The following NCOR2 variants were observed in gnomAD, a reference collection of about 807,000 sequenced individuals.
NCOR2 encodes the protein CTG repeat protein 26.
A neutral mutation model predicts 262.9 loss-of-function variants in NCOR2; 81 were observed. The observed-to-expected ratio is 0.31, with a 90% CI of 0.26 to 0.37. NCOR2 has a LOEUF of 0.37. Among genes scored for constraint, NCOR2 ranks in the 10% least tolerant of loss-of-function variants. The pLI is 1.00. For synonymous variants in NCOR2, 1,659 were observed against 1,559.3 expected (o/e 1.06, Z -1.51); for missense variants, 3,385 against 3,621.4 (o/e 0.93, Z 1.68).
At chr12:124,521,588 GC>G (rs1309817617) in intron 1 of NCOR2, among the ~76,000 whole-genome samples, 9 of 152,200 alleles carry the variant, frequency 5.9e-5, no homozygotes, top group Admixed American at 3.9e-4. Context: ...ATTGGTAGCT[GC>G]CAGGGGCTGC....
chr12:124,467,232 CCCT>C (rs1178281914), intron 4 of NCOR2, among the ~76,000 whole-genome samples: 1 of 107,364 alleles, frequency 9.3e-6, no homozygotes, highest in African/African-American at 3.7e-5. Context: ...CTCATCACCC[CCCT>C]CATCTTCATC....
intron 1 of NCOR2, among the ~76,000 whole-genome samples, chr12:124,546,005 A>G (rs141070659): frequency 6.9e-4 from 105 of 152,332 alleles, no homozygotes; most frequent in African/African-American, 2.5e-3. Context: ...ATAGACAGGC[A>G]GGAGAGACCC....
At chr12:124,383,577 G>A in intron 17 of NCOR2, 1 of 284,074 alleles carries the variant, frequency 3.5e-6, no homozygotes, top group Non-Finnish European at 5.9e-6. Flanking sequence ...TGAGAAGGGG[G>A]TAGATGGCAT....
At position 124,421,487 on chromosome 12, in the gene NCOR2, C is replaced by T. The variant is rs570028770; in HGVS notation, c.1383+1014G>A. On this transcript the variant is annotated intron_variant, in intron 12 of 46. Transcript: ENST00000405201. ...GGCTTGTTTCTCCACACTGGTTTTT[C>T]AGGCATGGAGAGATTTTTCCCCACT... 9.3e-4 allele frequency among the ~76,000 whole-genome samples: 141 copies of T among 152,330 alleles called. 1 individual carries two copies. Among genetic ancestry groups the T allele is most frequent in the Middle Eastern group, 6.8e-3 (2 of 294 alleles).
At chr12:124,344,869 C>T (rs1439581131) in exon 32 of NCOR2, 2 of 1,576,476 alleles carry the variant, frequency 1.3e-6, no homozygotes, top group East Asian at 4.6e-5. Context: ...GAACGTCCGG[C>T]CGGGGCTGCC....
chr12:124,332,648 C>T (rs763992237), intron 42 of NCOR2, among the ~76,000 whole-genome samples, 181 bp from the exon 45 acceptor site: 1 of 152,114 alleles, frequency 6.6e-6, no homozygotes. Flanking sequence ...GCGGTTCACC[C>T]GTCCTGGGGC....
chr12:124,410,674 G>A (rs963055190), intron 13 of NCOR2, among the ~76,000 whole-genome samples: 20 of 152,254 alleles, frequency 1.3e-4, no homozygotes, highest in Admixed American at 1.2e-3. Flanking sequence ...GGGTGATCTG[G>A]CCCGCCCTGC....
At chr12:124,368,228 C>G (rs919766966) in intron 20 of NCOR2, among the ~76,000 whole-genome samples, 2 of 152,206 alleles carry the variant, frequency 1.3e-5, no homozygotes, top group African/African-American at 4.8e-5. Flanking sequence ...GTCGGGCCAC[C>G]TTCTCCTCAC....
At chr12:124,461,271 C>A (rs1009492612) in intron 5 of NCOR2, among the ~76,000 whole-genome samples, 4 of 152,236 alleles carry the variant, frequency 2.6e-5, no homozygotes, top group Admixed American at 6.5e-5. Context: ...GGTGGCCAAG[C>A]CTGAGAGAAG....
intron 7 of NCOR2, among the ~76,000 whole-genome samples, chr12:124,438,563 G>C (rs1465620915): frequency 6.6e-6 from 1 of 152,140 alleles, no homozygotes; most frequent in African/African-American, 2.4e-5. Context: ...CCCGGGCGGG[G>C]GCGGTCTCAG....
At chr12:124,355,607 G>A in intron 23 of NCOR2, 36 bp from the exon 26 acceptor site, 2 of 1,519,988 alleles carry the variant, frequency 1.3e-6, no homozygotes, top group African/African-American at 1.4e-5. Context: ...TGGGGCCCAG[G>A]AGCGGTCACG....
intron 7 of NCOR2, among the ~76,000 whole-genome samples, chr12:124,442,921 A>C (rs2044907190): frequency 6.6e-6 from 1 of 152,212 alleles, no homozygotes; most frequent in African/African-American, 2.4e-5. Context: ...CACGGGAAGA[A>C]CACCACACGA....
In NCOR2 at chr12:124,350,579, C is replaced by T. The variant is rs746664844; in HGVS notation, c.3844+8G>A. 14 of 1,610,072 alleles carry T rather than the reference C, an allele frequency of 8.7e-6. No homozygotes were observed. Among genetic ancestry groups the T allele is most frequent in the South Asian group, 4.4e-5 (4 of 90,690 alleles). On this transcript the variant is annotated splice_region_variant and intron_variant, in intron 28 of 46. Transcript: ENST00000405201. The stretch of plus-strand genomic sequence containing the variant: ...TGGTCCTGGGCCTCCTCTCCTCCTG[C>T]GACTCACCCTCATAGGACAAGACGT...
chr12:124,465,263 G>T (rs1283134984), intron 5 of NCOR2, among the ~76,000 whole-genome samples: 1 of 152,188 alleles, frequency 6.6e-6, no homozygotes, highest in Admixed American at 6.5e-5. Context: ...CTGGGCCTCA[G>T]TTTCCTCATC....
chr12:124,551,298 C>G (rs577549471), intron 1 of NCOR2, among the ~76,000 whole-genome samples: 72 of 152,308 alleles, frequency 4.7e-4, no homozygotes, highest in Non-Finnish European at 8.4e-4. Flanking sequence ...AATACTCGAC[C>G]ACTTTTGACC....
At chr12:124,404,559 G>A (rs776269184) in intron 13 of NCOR2, among the ~76,000 whole-genome samples, 3 of 152,184 alleles carry the variant, frequency 2.0e-5, no homozygotes, top group East Asian at 1.9e-4. Context: ...TGTCTGCTCC[G>A]GCATGGCCAG....
intron 2 of NCOR2, 68 bp downstream of exon 4, chr12:124,486,373 G>GCT: frequency 6.3e-7 from 1 of 1,577,616 alleles, no homozygotes; most frequent in Non-Finnish European, 8.6e-7. Flanking sequence ...TCTGCCACGG[G>GCT]CCTCTGCTTC....
At chr12:124,375,829 C>T (rs1008535269) in intron 18 of NCOR2, among the ~76,000 whole-genome samples, 1 of 152,220 alleles carries the variant, frequency 6.6e-6, no homozygotes, top group Non-Finnish European at 1.5e-5. Flanking sequence ...CTCCCAGCCC[C>T]GCGCTGGTGT....
chr12:124,403,952 G>A (rs1281703224), intron 13 of NCOR2, among the ~76,000 whole-genome samples: 1 of 152,176 alleles, frequency 6.6e-6, no homozygotes, highest in African/African-American at 2.4e-5. Context: ...AGCCAGGAAG[G>A]GGCAGAGTTG....
Sources: gnomAD v4.1 joint callset for allele counts (sites outside exome capture counted in the v4.1 genomes callset) on GRCh38, gnomAD v4.1.1 for gene constraint, MANE v1.5 for transcripts, NCBI Gene and HGNC (gene_info 2026-07-23, HGNC 2026-07-21) for gene names.